TSHZ3: variants seen among roughly 807,000 people sequenced by gnomAD.
TSHZ3 encodes the protein teashirt homolog 3.
A neutral mutation model predicts 64.5 loss-of-function variants in TSHZ3; 10 were observed. That is an observed-to-expected ratio of 0.16 (90% CI 0.10 to 0.26). The LOEUF is 0.26. Ranked by LOEUF, TSHZ3 falls within the 10% of genes least tolerant of loss-of-function variation. The pLI, the probability that TSHZ3 is intolerant of heterozygous loss-of-function variation, is 1.00. For missense variants in TSHZ3, 1,242 were observed against 1,421.7 expected, an observed-to-expected ratio of 0.87 and a Z score of 2.03; for synonymous variants, 608 against 593.1, an observed-to-expected ratio of 1.03 and a Z score of -0.36.
At chr19:31,217,201 G>A (rs1233996145) in intron 4 of TSHZ3, among the ~76,000 whole-genome samples, 1 of 152,170 alleles carries the variant, frequency 6.6e-6, no homozygotes, top group Non-Finnish European at 1.5e-5. Flanking sequence ...ACAGCTAGTG[G>A]CAGAATGTTG....
chr19:31,279,547 A>G lies in TSHZ3; in HGVS notation c.246T>C (p.Ser82=), dbSNP rs764245617. The G allele has an allele frequency of 2.5e-6, 4 of 1,609,672 alleles. No homozygotes were observed. Among genetic ancestry groups the G allele is most frequent in the Non-Finnish European group, 3.4e-6 (4 of 1,176,714 alleles). Residue 82 remains serine (S), a synonymous_variant, in exon 2 of 2, where the codon AGT becomes AGC. Coordinates refer to ENST00000240587, the MANE Select transcript of TSHZ3 (RefSeq NM_020856.4). This position sits in a 1 kb window ranked among gnomAD's most constrained non-coding sequence, Gnocchi z 6.4. ...CGCTTTCAAAGTCAGCCATTCGGTC[A>G]CTGGTCTCACTGATGTGTGACTCGC... The part of the protein sequence containing the change: ...MDSESHISET[S]DRMADFESGS...
At chr19:31,317,744 A>C (rs192240489) in intron 1 of TSHZ3, among the ~76,000 whole-genome samples, 1 of 152,206 alleles carries the variant, frequency 6.6e-6, no homozygotes, top group South Asian at 2.1e-4. Flanking sequence ...CTTGGCTTTC[A>C]TTAACTTTCC....
chr19:31,187,108 A>C (rs1179456832), intron 5 of TSHZ3, among the ~76,000 whole-genome samples: 1 of 152,208 alleles, frequency 6.6e-6, no homozygotes, highest in Non-Finnish European at 1.5e-5. Flanking sequence ...CATTACAATC[A>C]GGACACAGAG....
At chr19:31,329,367 A>G (rs984301312) in intron 1 of TSHZ3, among the ~76,000 whole-genome samples, 1 of 152,268 alleles carries the variant, frequency 6.6e-6, no homozygotes, top group African/African-American at 2.4e-5. Context: ...GTTTACATTT[A>G]TATCACGTTA....
In TSHZ3 at chr19:31,277,865, G is replaced by A. The variant is rs1976276116; in HGVS notation, c.1928C>T (p.Pro643Leu). Residue 643 changes from proline (P) to leucine (L), a missense_variant, in exon 2 of 2, where the codon CCC becomes CTC. Around this residue, in one of 4 missense-constraint regions of TSHZ3, gnomAD observed 550 missense variants for 545.1 expected, o/e 1.01. Transcript: ENST00000240587. This position sits in a 1 kb window ranked among gnomAD's most constrained non-coding sequence, Gnocchi z 4.5. ...GKLSPPKRAT[P>L]SPCSSEVGEP... is the part of the protein sequence containing the mutation. Reference sequence around the variant, plus strand: ...CCCGACTTCGCTGCTACATGGGGAGGGAGTGGCCCGCTTGGGCGGGGAAAG... The same window carrying A: ...CCCGACTTCGCTGCTACATGGGGAGAGAGTGGCCCGCTTGGGCGGGGAAAG... 1 of 1,604,930 alleles carries A rather than the reference G, an allele frequency of 6.2e-7. No individual in the cohort carries two copies. Among genetic ancestry groups the A allele is most frequent in the Non-Finnish European group, 8.5e-7 (1 of 1,176,030 alleles).
At chr19:31,201,197 T>C (rs944420969) in intron 5 of TSHZ3, among the ~76,000 whole-genome samples, 11 of 152,218 alleles carry the variant, frequency 7.2e-5, no homozygotes, top group African/African-American at 2.7e-4. Context: ...GGGCAAATTG[T>C]AATCATTTGA....
chr19:31,207,894 T>C (rs779639727), intron 4 of TSHZ3, among the ~76,000 whole-genome samples: 3 of 152,154 alleles, frequency 2.0e-5, no homozygotes, highest in Non-Finnish European at 4.4e-5. Flanking sequence ...TATAAAATAG[T>C]GTGGAATATG....
intron 1 of TSHZ3, among the ~76,000 whole-genome samples, chr19:31,242,978 C>T (rs888861376): frequency 6.6e-6 from 1 of 151,768 alleles, no homozygotes; most frequent in Non-Finnish European, 1.5e-5. Flanking sequence ...GTAGATCTTC[C>T]CATCTCAGTC....
chr19:31,271,448 C>T (rs1331596010), downstream of TSHZ3, among the ~76,000 whole-genome samples: 1 of 152,186 alleles, frequency 6.6e-6, no homozygotes, highest in Admixed American at 6.5e-5. Context: ...GGAATCCAGC[C>T]CTCGGCTGCA....
At chr19:31,252,217 A>G (rs1230750840) in intron 1 of TSHZ3, among the ~76,000 whole-genome samples, 1 of 152,174 alleles carries the variant, frequency 6.6e-6, no homozygotes, top group Non-Finnish European at 1.5e-5. Context: ...CTCAGGCTTC[A>G]GGGGAAAATC....
chr19:31,211,497 G>C (rs1489479424), intron 4 of TSHZ3, among the ~76,000 whole-genome samples: 1 of 152,198 alleles, frequency 6.6e-6, no homozygotes, highest in East Asian at 1.9e-4. Context: ...TGGACCCGGG[G>C]AAGAAGGCAG....
chr19:31,214,736 G>A (rs1243276948), intron 4 of TSHZ3, among the ~76,000 whole-genome samples: 1 of 151,760 alleles, frequency 6.6e-6, no homozygotes, highest in African/African-American at 2.4e-5. Context: ...GTGAAACCCC[G>A]TCTCTACTAA....
chr19:31,168,823 C>T (rs899188763), intron 5 of TSHZ3, among the ~76,000 whole-genome samples: 5 of 152,110 alleles, frequency 3.3e-5, no homozygotes, highest in East Asian at 3.9e-4. Flanking sequence ...CCCCGTAGGA[C>T]GTAGTCTGTG....
intron 6 of TSHZ3, among the ~76,000 whole-genome samples, chr19:31,154,627 G>A (rs1006706138): frequency 6.6e-6 from 1 of 152,182 alleles, no homozygotes; most frequent in Non-Finnish European, 1.5e-5. Flanking sequence ...ATGTTAACAG[G>A]CCCCAATCTC....
chr19:31,276,771 T>C lies in TSHZ3; in HGVS notation c.3022A>G (p.Lys1008Glu), dbSNP rs767546847. ...HLGFRLRDLS[K>E]LSTEQINSQI... ...CTGTTAATCTGTTCGGTGGACAGTT[T>C]GGATAAGTCCCGTAGCCGGAAGCCT... Residue 1008 changes from lysine (K) to glutamate (E), a missense_variant, in exon 2 of 2, where the codon AAA becomes GAA. By Grantham distance (56) the Lys-to-Glu change is moderately conservative. Coordinates refer to ENST00000240587, the MANE Select transcript of TSHZ3 (RefSeq NM_020856.4). The C allele has an allele frequency of 3.7e-6, 6 of 1,613,880 alleles. No individual in the cohort carries two copies. The highest frequency in any genetic ancestry group is 1.7e-5 in the Admixed American group (1 of 60,010).
intron 5 of TSHZ3, among the ~76,000 whole-genome samples, chr19:31,185,115 A>AC (rs1568340631): frequency 6.7e-6 from 1 of 149,620 alleles, no homozygotes; most frequent in African/African-American, 2.5e-5. Flanking sequence ...AAAAAAAAAA[A>AC]CACAAGGGGA....
At chr19:31,337,830 A>G (rs1917298305) in intron 1 of TSHZ3, among the ~76,000 whole-genome samples, 1 of 152,038 alleles carries the variant, frequency 6.6e-6, no homozygotes, top group Non-Finnish European at 1.5e-5. Context: ...GGCGTTTTAC[A>G]TGTCAGGGAA....
chr19:31,182,825 G>T (rs1187073975), intron 5 of TSHZ3, among the ~76,000 whole-genome samples: 1 of 152,134 alleles, frequency 6.6e-6, no homozygotes, highest in South Asian at 2.1e-4. Context: ...CCTAAAATAG[G>T]TATTGTGATG....
intron 6 of TSHZ3, among the ~76,000 whole-genome samples, chr19:31,154,842 GT>G (rs1039851214): frequency 7.0e-6 from 1 of 142,646 alleles, no homozygotes; most frequent in African/African-American, 2.4e-5. Context: ...TGAAGGCAGG[GT>G]TTTGTGGGGG....
Sources: allele counts gnomAD v4.1 joint callset (sites outside exome capture counted in the v4.1 genomes callset), GRCh38; gene constraint gnomAD v4.1.1; regional missense constraint gnomAD v4.1.1; non-coding constraint Gnocchi (gnomAD v3.1); transcripts MANE v1.5; gene names NCBI Gene and HGNC (gene_info 2026-07-23, HGNC 2026-07-21).